The following KCND2 variants were observed in gnomAD, a reference collection of about 807,000 sequenced individuals.
The protein encoded by KCND2 is potassium voltage-gated channel subfamily D member 2, also known as A-type voltage-gated potassium channel KCND2.
KCND2 carries 16 observed loss-of-function variants against 54.4 expected under a neutral mutation model. That is an observed-to-expected ratio of 0.29 (90% CI 0.20 to 0.45). KCND2 has a LOEUF of 0.45. KCND2 is among the 20% of genes least tolerant of loss of function. KCND2 has a pLI of 1.00. For synonymous variants in KCND2, 317 were observed against 310.7 expected (o/e 1.02, Z -0.21); for missense variants, 486 against 824.2 (o/e 0.59, Z 5.02).
intron 1 of KCND2, among the ~76,000 whole-genome samples, chr7:120,337,242 T>A (rs1266525575): frequency 6.6e-6 from 1 of 152,192 alleles, no homozygotes; most frequent in Admixed American, 6.5e-5. Context: ...ATTTATTTAG[T>A]CTTTGCAAAT....
chr7:120,459,327 C>A (rs549120405), intron 1 of KCND2, among the ~76,000 whole-genome samples: 1 of 152,204 alleles, frequency 6.6e-6, no homozygotes, highest in South Asian at 2.1e-4. Flanking sequence ...AATGCTCTTC[C>A]CTCAATTATC....
intron 1 of KCND2, among the ~76,000 whole-genome samples, chr7:120,574,215 G>T (rs1178741738): frequency 6.6e-6 from 1 of 152,172 alleles, no homozygotes; most frequent in Non-Finnish European, 1.5e-5. Flanking sequence ...AAATGACATT[G>T]TTGACAGTTG....
chr7:120,455,889 A>T (rs2116227908), intron 1 of KCND2, among the ~76,000 whole-genome samples: 1 of 152,306 alleles, frequency 6.6e-6, no homozygotes, highest in South Asian at 2.1e-4. Context: ...TGATGAAATA[A>T]TCTGTACACA....
At chr7:120,630,349 G>T (rs1793218241) in intron 1 of KCND2, among the ~76,000 whole-genome samples, 1 of 152,064 alleles carries the variant, frequency 6.6e-6, no homozygotes, top group South Asian at 2.1e-4. Context: ...AAAAGTTAAA[G>T]TTGCTGTTGC....
intron 1 of KCND2, among the ~76,000 whole-genome samples, chr7:120,541,577 C>A (rs545242534): frequency 1.4e-4 from 21 of 152,150 alleles, no homozygotes; most frequent in African/African-American, 4.1e-4. Flanking sequence ...TATGCTCATG[C>A]CTGAGACTAG....
At chr7:120,652,768 C>T (rs554295519) in intron 1 of KCND2, among the ~76,000 whole-genome samples, 1 of 152,230 alleles carries the variant, frequency 6.6e-6, no homozygotes, top group African/African-American at 2.4e-5. Flanking sequence ...CATCCCAATG[C>T]TAATTTTAGC....
intron 1 of KCND2, among the ~76,000 whole-genome samples, chr7:120,574,577 T>C (rs1453144682): frequency 2.0e-5 from 3 of 152,154 alleles, no homozygotes; most frequent in Admixed American, 2.0e-4. Flanking sequence ...GTTCTCAAAC[T>C]TAGCTTCACT....
At chr7:120,279,832 TTA>T (rs1174234737) in intron 1 of KCND2, among the ~76,000 whole-genome samples, 1 of 151,886 alleles carries the variant, frequency 6.6e-6, no homozygotes, top group Non-Finnish European at 1.5e-5. Flanking sequence ...TACGATAACA[TTA>T]TGTTATAATT....
chr7:120,451,521 T>A (rs1299885371), intron 1 of KCND2, among the ~76,000 whole-genome samples: 21 of 152,202 alleles, frequency 1.4e-4, no homozygotes, highest in Admixed American at 1.4e-3. Flanking sequence ...TACTAGGCCC[T>A]ATACATTTAT....
At chr7:120,636,240 G>T (rs974759286) in intron 1 of KCND2, among the ~76,000 whole-genome samples, 1 of 152,096 alleles carries the variant, frequency 6.6e-6, no homozygotes, top group Non-Finnish European at 1.5e-5. Flanking sequence ...AGTTTGTGGG[G>T]TGGGTATCAG....
intron 1 of KCND2, among the ~76,000 whole-genome samples, chr7:120,727,907 C>T (rs1014812484): frequency 4.0e-5 from 6 of 151,678 alleles, no homozygotes; most frequent in African/African-American, 1.2e-4. Context: ...AGGCTGAGGA[C>T]GGTGGATCAC....
At position 120,576,610 on chromosome 7, in the gene KCND2, A is replaced by G. The variant is rs538286697; in HGVS notation, c.1116-156293A>G. On this transcript the variant is annotated intron_variant, in intron 1 of 5. Coordinates refer to ENST00000331113, the MANE Select transcript of KCND2 (RefSeq NM_012281.3). ...TGTTAAAAATCTCACACTAACCAAA[A>G]TTGAGTACTATTTTTTTTTTCAGTT... is the stretch of plus-strand genomic sequence containing the variant. Among the ~76,000 whole-genome samples the G allele has an allele frequency of 2.8e-4, 43 of 152,252 alleles. 1 individual carries two copies. The highest frequency in any genetic ancestry group is 7.2e-4 in the Admixed American group (11 of 15,298).
chr7:120,711,061 A>G (rs947150083), intron 1 of KCND2, among the ~76,000 whole-genome samples: 5 of 152,094 alleles, frequency 3.3e-5, no homozygotes, highest in Admixed American at 3.3e-4. Context: ...GTATTTTCTT[A>G]AATTACATTA....
chr7:120,488,934 G>C (rs1266064913), intron 1 of KCND2, among the ~76,000 whole-genome samples: 1 of 151,972 alleles, frequency 6.6e-6, no homozygotes, highest in Admixed American at 6.6e-5. Flanking sequence ...CAAGGAACCT[G>C]TCCAATTTTC....
At chr7:120,544,057 T>C (rs1792014541) in intron 1 of KCND2, among the ~76,000 whole-genome samples, 1 of 151,918 alleles carries the variant, frequency 6.6e-6, no homozygotes, top group Non-Finnish European at 1.5e-5. Flanking sequence ...CATGACCAAC[T>C]TGAATTATGA....
intron 1 of KCND2, among the ~76,000 whole-genome samples, chr7:120,632,743 G>A (rs1793253396): frequency 6.6e-6 from 1 of 152,148 alleles, no homozygotes; most frequent in African/African-American, 2.4e-5. Flanking sequence ...GAGGAAATGG[G>A]CATGGGGAGG....
At chr7:120,449,328 C>CAAA (rs58305865) in intron 1 of KCND2, among the ~76,000 whole-genome samples, 4,468 of 125,372 alleles carry the variant, frequency 0.036, 236 homozygotes, top group African/African-American at 0.12. Flanking sequence ...GACTCCGTCT[C>CAAA]AAAAAAAAAA....
chr7:120,430,410 C>G (rs1048622991), intron 1 of KCND2, among the ~76,000 whole-genome samples: 7 of 151,966 alleles, frequency 4.6e-5, no homozygotes, highest in Admixed American at 3.3e-4. Context: ...CTTAAGGTCT[C>G]GAGTTTGAGA....
chr7:120,295,347 AACACACACACAC>A (rs56748699), intron 1 of KCND2, among the ~76,000 whole-genome samples: 1,998 of 141,476 alleles, frequency 0.014, 64 homozygotes, highest in East Asian at 0.13. Context: ...GTCATAGAGT[AACACACACACAC>A]ACACACACAC....
Sources: allele counts gnomAD v4.1 joint callset (sites outside exome capture counted in the v4.1 genomes callset), GRCh38; gene constraint gnomAD v4.1.1; transcripts MANE v1.5; gene names NCBI Gene and HGNC (gene_info 2026-07-23, HGNC 2026-07-21).